The following TEAD1 variants were observed in gnomAD, a reference collection of about 807,000 sequenced individuals.
The protein encoded by TEAD1 is TEA domain transcription factor 1, also known as transcriptional enhancer factor TEF-1.
Under a neutral mutation model 54.9 loss-of-function variants are expected in TEAD1, and 9 were observed. The ratio of observed to expected loss-of-function variants is 0.16; its 90% CI spans 0.10 to 0.29. TEAD1 has a LOEUF of 0.29. Among genes scored for constraint, TEAD1 ranks in the 10% least tolerant of loss-of-function variants. The probability of loss-of-function intolerance (pLI) is 1.00; values close to 1 mark genes in which losing one functional copy is unlikely to be tolerated. For synonymous variants in TEAD1, 200 were observed against 187.8 expected, an observed-to-expected ratio of 1.07 and a Z score of -0.53; for missense variants, 387 against 535.9, an observed-to-expected ratio of 0.72 and a Z score of 2.74.
At chr11:12,855,683 C>T (rs982175505) in intron 3 of TEAD1, among the ~76,000 whole-genome samples, 3 of 151,886 alleles carry the variant, frequency 2.0e-5, no homozygotes, top group South Asian at 2.1e-4. Context: ...GTAGTTCACG[C>T]CTGTAATCCC....
chr11:12,675,845 C>T (rs1194518423), intron 2 of TEAD1, among the ~76,000 whole-genome samples: 1 of 152,192 alleles, frequency 6.6e-6, no homozygotes, highest in South Asian at 2.1e-4. Flanking sequence ...TCAGAATTTT[C>T]TTTGCTTTTA....
intron 9 of TEAD1, among the ~76,000 whole-genome samples, chr11:12,889,201 C>T (rs1291032874): frequency 1.3e-5 from 2 of 152,216 alleles, no homozygotes; most frequent in Non-Finnish European, 2.9e-5. Context: ...AGTGTGATAT[C>T]CTCCACCCAG....
intron 3 of TEAD1, among the ~76,000 whole-genome samples, chr11:12,828,766 GGAGTCCTTGTTTCTTATT>G (rs1946709844): frequency 6.8e-6 from 1 of 147,398 alleles, no homozygotes; most frequent in African/African-American, 2.5e-5. Flanking sequence ...GCGTCAGCAT[GGAGTCCTTGTTTCTTATT>G]GATTTGCATT....
At position 12,939,632 on chromosome 11, in the gene TEAD1, C is replaced by G. The variant is rs1347822802; in HGVS notation, c.*2410C>G. 6.6e-6 allele frequency: 1 copy of G among 152,284 alleles called. No individual in the cohort carries two copies. The highest frequency in any genetic ancestry group is 1.5e-5 in the Non-Finnish European group (1 of 68,102). 9.4% of individuals were successfully genotyped at this position (152,284 alleles called of 1,614,324 possible). ...TCAGCTGGGCCCCCCTGGTGCTTCACCACCTGCATCCTCTTGCTCAGAATG... is the reference window on the plus strand; with the variant it reads ...TCAGCTGGGCCCCCCTGGTGCTTCAGCACCTGCATCCTCTTGCTCAGAATG... On this transcript the variant is annotated 3_prime_UTR_variant, in exon 13 of 13. Transcript: ENST00000527636.
intron 2 of TEAD1, among the ~76,000 whole-genome samples, chr11:12,709,522 C>G (rs1334245081): frequency 2.6e-5 from 4 of 151,552 alleles, no homozygotes. Flanking sequence ...GTTTCTTTTT[C>G]TACTTATTTA....
At chr11:12,711,597 C>G (rs778380435) in intron 2 of TEAD1, among the ~76,000 whole-genome samples, 14 of 152,176 alleles carry the variant, frequency 9.2e-5, no homozygotes, top group Non-Finnish European at 1.6e-4. Context: ...CTTTCATGTT[C>G]CCTCCCCTAC....
At chr11:12,713,742 G>A (rs918454766) in intron 2 of TEAD1, among the ~76,000 whole-genome samples, 8 of 152,162 alleles carry the variant, frequency 5.3e-5, no homozygotes, top group South Asian at 2.1e-4. Context: ...TTAGAGCAGC[G>A]TCTCAGTGAC....
At chr11:12,728,657 A>C (rs1248779989) in intron 2 of TEAD1, among the ~76,000 whole-genome samples, 2 of 152,204 alleles carry the variant, frequency 1.3e-5, no homozygotes, top group East Asian at 1.9e-4. Context: ...TTTCCAGAAT[A>C]TCTCTGTCTG....
At chr11:12,691,081 T>G (rs1943448144) in intron 2 of TEAD1, among the ~76,000 whole-genome samples, 1 of 152,236 alleles carries the variant, frequency 6.6e-6, no homozygotes, top group South Asian at 2.1e-4. Context: ...AGGTTTCTCT[T>G]AGCAACTATA....
chr11:12,692,328 T>A (rs1027609609), intron 2 of TEAD1, among the ~76,000 whole-genome samples: 1 of 152,194 alleles, frequency 6.6e-6, no homozygotes, highest in Non-Finnish European at 1.5e-5. Flanking sequence ...TCAGTAATAC[T>A]TTTTTGTTTT....
chr11:12,755,351 A>G (rs2133913141), intron 2 of TEAD1, among the ~76,000 whole-genome samples: 1 of 152,312 alleles, frequency 6.6e-6, no homozygotes, highest in Middle Eastern at 3.4e-3. Flanking sequence ...ATACCGAGTT[A>G]TAATAATCGG....
Position 12,739,370 on chromosome 11 carries a change from C to G in TEAD1, c.-54-24809C>G, listed in dbSNP as rs187834996. On this transcript the variant is annotated intron_variant, in intron 2 of 12. Coordinates refer to ENST00000527636, the MANE Select transcript of TEAD1 (RefSeq NM_021961.6). ...AAGTGCATTGACATTGTTTTGCTATCGTCACCACCATCCATGCACAGAACT... is the reference window on the plus strand; with the variant it reads ...AAGTGCATTGACATTGTTTTGCTATGGTCACCACCATCCATGCACAGAACT... Among the ~76,000 whole-genome samples, 3 of 152,314 alleles carry G rather than the reference C, an allele frequency of 2.0e-5. No individual in the cohort carries two copies. The East Asian group carries it at 5.8e-4, about 29-fold the overall frequency.
intron 5 of TEAD1, among the ~76,000 whole-genome samples, chr11:12,877,153 A>G (rs1331406887): frequency 1.3e-5 from 2 of 152,200 alleles, no homozygotes. Flanking sequence ...TAAGAAGGAG[A>G]TAACAGCAGC....
chr11:12,776,618 C>T (rs974628765), intron 3 of TEAD1, among the ~76,000 whole-genome samples: 6 of 151,720 alleles, frequency 4.0e-5, no homozygotes, highest in South Asian at 4.2e-4. Context: ...ACTTGCAATC[C>T]GAATGTGTTT....
chr11:12,812,643 A>G (rs1034900222), intron 3 of TEAD1, among the ~76,000 whole-genome samples: 1 of 152,216 alleles, frequency 6.6e-6, no homozygotes, highest in African/African-American at 2.4e-5. Context: ...AACCTATGAA[A>G]TTTATCAAGA....
At chr11:12,823,191 T>C (rs1053241601) in intron 3 of TEAD1, among the ~76,000 whole-genome samples, 1 of 152,224 alleles carries the variant, frequency 6.6e-6, no homozygotes, top group East Asian at 1.9e-4. Context: ...GAATGTATAA[T>C]GACAAATTAG....
At chr11:12,734,030 C>G (rs1420383402) in intron 2 of TEAD1, among the ~76,000 whole-genome samples, 1 of 152,204 alleles carries the variant, frequency 6.6e-6, no homozygotes, top group Non-Finnish European at 1.5e-5. Flanking sequence ...AGTGACCCTC[C>G]TGCTTCAGCC....
intron 9 of TEAD1, among the ~76,000 whole-genome samples, chr11:12,889,601 T>C (rs1948156132): frequency 2.6e-5 from 4 of 152,196 alleles, no homozygotes; most frequent in African/African-American, 9.7e-5. Flanking sequence ...GAGATTGTTC[T>C]CTTTAGATTT....
At chr11:12,686,224 C>T (rs2133817780) in intron 2 of TEAD1, among the ~76,000 whole-genome samples, 1 of 152,270 alleles carries the variant, frequency 6.6e-6, no homozygotes, top group African/African-American at 2.4e-5. Flanking sequence ...GTCAGGGAAA[C>T]TGGCAGACTA....
Sources: allele counts gnomAD v4.1 joint callset (sites outside exome capture counted in the v4.1 genomes callset), GRCh38; gene constraint gnomAD v4.1.1; transcripts MANE v1.5; gene names NCBI Gene and HGNC (gene_info 2026-07-23, HGNC 2026-07-21).